The following GNG7 variants were observed in gnomAD, a reference collection of about 807,000 sequenced individuals.
The protein encoded by GNG7 is guanine nucleotide-binding protein G(I)/G(S)/G(O) subunit gamma-7.
GNG7 carries 1 observed loss-of-function variant against 4.0 expected under a neutral mutation model. The ratio of observed to expected loss-of-function variants is 0.25; its 90% CI spans 0.09 to 1.18. GNG7 has a LOEUF of 1.18. Among genes scored for constraint, GNG7 ranks in the 50% most tolerant of loss-of-function variants. GNG7 has a pLI of 0.50. For missense variants in GNG7, 86 were observed against 91.9 expected, an observed-to-expected ratio of 0.94 and a Z score of 0.26; for synonymous variants, 34 against 36.9, an observed-to-expected ratio of 0.92 and a Z score of 0.29.
intron 1 of GNG7, among the ~76,000 whole-genome samples, chr19:2,648,304 G>C (rs1982721418): frequency 6.6e-6 from 1 of 151,908 alleles, no homozygotes. Flanking sequence ...GCCGAGGCAG[G>C]AGGATCACTT....
chr19:2,546,435 CG>C lies in GNG7; in HGVS notation c.-38+8713del, dbSNP rs1979129538. On this transcript the variant is annotated intron_variant, in intron 3 of 4. Coordinates refer to ENST00000382159, the MANE Select transcript of GNG7 (RefSeq NM_052847.3). The surrounding 1 kb of genome is among the most constrained non-coding windows in gnomAD (Gnocchi z 6.3). ...GGCAGGGCCGTGGGGCCCAGGGCTG[CG>C]GGCGGGAGGGCCTCTGCCACATGGA... is the stretch of plus-strand genomic sequence containing the variant. Among the ~76,000 whole-genome samples, 1 of 152,194 alleles carries C rather than the reference CG, an allele frequency of 6.6e-6. No individual in the cohort carries two copies. The highest frequency in any genetic ancestry group is 2.4e-5 in the African/African-American group (1 of 41,450).
intron 1 of GNG7, among the ~76,000 whole-genome samples, chr19:2,686,593 A>G (rs895817170): frequency 6.6e-6 from 1 of 152,148 alleles, no homozygotes; most frequent in Non-Finnish European, 1.5e-5. Flanking sequence ...GGCAGGACGC[A>G]TATGTCTCCA....
intron 2 of GNG7, among the ~76,000 whole-genome samples, chr19:2,598,414 T>C (rs1290238535): frequency 6.6e-6 from 1 of 151,310 alleles, no homozygotes; most frequent in South Asian, 2.1e-4. Flanking sequence ...TCCCAGCACT[T>C]TGGGAGGCCG....
intron 3 of GNG7, among the ~76,000 whole-genome samples, chr19:2,554,785 C>T (rs978066957): frequency 6.6e-6 from 1 of 151,418 alleles, no homozygotes. Flanking sequence ...AAACACCTGA[C>T]CTCAGGTGAC....
At chr19:2,568,879 T>C (rs1980053343) in intron 2 of GNG7, among the ~76,000 whole-genome samples, 1 of 151,630 alleles carries the variant, frequency 6.6e-6, no homozygotes, top group South Asian at 2.1e-4. Flanking sequence ...TACACACACA[T>C]ACTCATGTGC....
In GNG7 at chr19:2,514,985, AAAGAGAG is replaced by A; in HGVS notation, c.*30_*36del. 1.5e-6 allele frequency: 2 copies of A among 1,343,100 alleles called. No homozygotes were observed. Among genetic ancestry groups the A allele is most frequent in the African/African-American group, 1.4e-5 (1 of 70,512 alleles). 83.2% of individuals were successfully genotyped at this position (1,343,100 alleles called of 1,614,324 possible). On this transcript the variant is annotated 3_prime_UTR_variant, in exon 5 of 5. Transcript: ENST00000382159. ...GACAGAGACAGAGAGAGAGAGAGAG[AAAGAGAG>A]AGAGAGAGAGAGAACATATGAGAAC... is the stretch of plus-strand genomic sequence containing the variant.
intron 1 of GNG7, among the ~76,000 whole-genome samples, chr19:2,672,354 C>T (rs141890037): frequency 3.4e-4 from 52 of 152,098 alleles, no homozygotes; most frequent in African/African-American, 1.2e-3. Context: ...TGGGGTCTCA[C>T]TGTGTTGCCC....
chr19:2,565,307 C>T lies in GNG7; in HGVS notation c.-77-10119G>A, dbSNP rs143395219. 3.1e-3 allele frequency among the ~76,000 whole-genome samples: 468 copies of T among 152,044 alleles called. 7 individuals carry two copies. Among genetic ancestry groups the T allele is most frequent in the East Asian group, 0.018 (95 of 5,160 alleles). ...CGGGTGGATCATGAGGTCAGGAGAT[C>T]GAGACCAGCCTGGCCAACATGGTGA... On this transcript the variant is annotated intron_variant, in intron 2 of 4. Coordinates refer to ENST00000382159, the MANE Select transcript of GNG7 (RefSeq NM_052847.3).
chr19:2,569,280 TTTC>T (rs1382031508), intron 2 of GNG7, among the ~76,000 whole-genome samples: 5 of 151,618 alleles, frequency 3.3e-5, no homozygotes, highest in Admixed American at 2.6e-4. Flanking sequence ...TCTCTCTCTC[TTTC>T]TTTTTTTTGT....
intron 1 of GNG7, among the ~76,000 whole-genome samples, chr19:2,659,585 TCC>T (rs1983089965): frequency 2.3e-5 from 1 of 43,684 alleles, no homozygotes. Flanking sequence ...GGAGTGAGAC[TCC>T]ATCTTAAAAA....
intron 2 of GNG7, among the ~76,000 whole-genome samples, chr19:2,565,758 T>G (rs1599394181): frequency 6.6e-6 from 1 of 152,068 alleles, no homozygotes; most frequent in Admixed American, 6.6e-5. Context: ...CAGCTCAGGG[T>G]GGAGGCTGTG....
Position 2,655,763 on chromosome 19 carries a change from C to T in GNG7, c.-134-9483G>A, listed in dbSNP as rs759466534. ...CTGAGGCAAGAGAATGGCGTGAACC[C>T]GGGAGGTGGAGCTTGCAGTGAGTCG... On this transcript the variant is annotated intron_variant, in intron 1 of 4. Transcript: ENST00000382159. Among the ~76,000 whole-genome samples, 11 of 147,832 alleles carry T rather than the reference C, an allele frequency of 7.4e-5. 1 individual carries two copies. The highest frequency in any genetic ancestry group is 2.0e-4 in the East Asian group (1 of 4,958).
At chr19:2,650,830 G>GGT (rs1982793081) in intron 1 of GNG7, among the ~76,000 whole-genome samples, 3 of 152,334 alleles carry the variant, frequency 2.0e-5, no homozygotes, top group Admixed American at 2.0e-4. Context: ...GACCCGGGCG[G>GGT]CCAGCAGTGG....
chr19:2,596,757 T>A (rs1160506542), intron 2 of GNG7, among the ~76,000 whole-genome samples: 2 of 151,504 alleles, frequency 1.3e-5, no homozygotes, highest in African/African-American at 2.4e-5. Context: ...CACCCCACAC[T>A]GTTAACAGTG....
intron 2 of GNG7, among the ~76,000 whole-genome samples, chr19:2,592,951 G>GAAGA (rs769967778): frequency 4.4e-5 from 6 of 135,142 alleles, no homozygotes; most frequent in African/African-American, 1.1e-4. Flanking sequence ...AGGAAGGACG[G>GAAGA]AAGAAAGAAA....
At chr19:2,578,286 G>C (rs777220791) in intron 2 of GNG7, among the ~76,000 whole-genome samples, 1 of 152,074 alleles carries the variant, frequency 6.6e-6, no homozygotes, top group Non-Finnish European at 1.5e-5. Flanking sequence ...TAGAGCCGGG[G>C]GCCCTCGGAG....
At chr19:2,536,098 C>G (rs764890883) in intron 3 of GNG7, among the ~76,000 whole-genome samples, 2 of 151,920 alleles carry the variant, frequency 1.3e-5, no homozygotes, top group Non-Finnish European at 2.9e-5. Flanking sequence ...GTACTTCAGC[C>G]GGGCAACAGA....
At chr19:2,599,175 G>A (rs1981125531) in intron 2 of GNG7, among the ~76,000 whole-genome samples, 1 of 152,120 alleles carries the variant, frequency 6.6e-6, no homozygotes, top group African/African-American at 2.4e-5. Flanking sequence ...GGTGCTTTTT[G>A]AACTGATCAG....
rs763282558 is a variant in GNG7 at position 2,653,910 on chromosome 19, G to A, written c.-134-7630C>T. On this transcript the variant is annotated intron_variant, in intron 1 of 4. Coordinates refer to ENST00000382159, the MANE Select transcript of GNG7 (RefSeq NM_052847.3). This position sits in a 1 kb window ranked among gnomAD's most constrained non-coding sequence, Gnocchi z 4.8. ...CTAACCTTGGCAGGCATCCCCAACA[G>A]AGGCGAGGGGACAGCTCTCGCCTGC... Among the ~76,000 whole-genome samples the A allele has an allele frequency of 4.6e-5, 7 of 152,202 alleles. No individual in the cohort carries two copies. Among genetic ancestry groups the A allele is most frequent in the Non-Finnish European group, 1.0e-4 (7 of 68,032 alleles).
Sources: gnomAD v4.1 joint callset for allele counts (sites outside exome capture counted in the v4.1 genomes callset) on GRCh38, gnomAD v4.1.1 for gene constraint, Gnocchi (gnomAD v3.1) non-coding constraint, MANE v1.5 for transcripts, NCBI Gene and HGNC (gene_info 2026-07-23, HGNC 2026-07-21) for gene names.